Variants in SCNN1B observed in about 807,000 individuals in gnomAD.
SCNN1B encodes sodium channel epithelial 1 subunit beta, also known as epithelial sodium channel subunit beta.
SCNN1B carries 46 observed loss-of-function variants against 65.3 expected under a neutral mutation model. The ratio of observed to expected loss-of-function variants is 0.70; its 90% CI spans 0.56 to 0.90. The LOEUF is 0.90. Ranked by LOEUF, SCNN1B falls within the 40% of genes least tolerant of loss-of-function variation. The pLI is 0.00. For missense variants in SCNN1B, 751 were observed against 830.5 expected (o/e 0.90, Z 1.18); for synonymous variants, 349 against 330.6 (o/e 1.06, Z -0.60).
intron 1 of SCNN1B, among the ~76,000 whole-genome samples, chr16:23,310,304 A>ACCC: frequency 6.6e-6 from 1 of 151,526 alleles, no homozygotes; most frequent in African/African-American, 2.4e-5. Flanking sequence ...AAAAAAAAAA[A>ACCC]AAAAAAAAAC....
chr16:23,310,308 A>G (rs1272532366), intron 1 of SCNN1B, among the ~76,000 whole-genome samples: 1 of 150,990 alleles, frequency 6.6e-6, no homozygotes. Flanking sequence ...AAAAAAAAAA[A>G]AAAAACCCAC....
chr16:23,378,735 G>T lies in SCNN1B; in HGVS notation c.1434G>T (p.Glu478Asp). The change falls in exon 11 of 13, where the codon GAG (glutamate) becomes GAT (aspartate). Residue 478 changes from glutamate to aspartate, a missense_variant. Physicochemically the swap from Glu to Asp is conservative, Grantham distance 45. Coordinates refer to ENST00000343070, the MANE Select transcript of SCNN1B (RefSeq NM_000336.3). ...EDWIFHVLSQ[E>D]RDQSTNITLS... Reference sequence around the variant, plus strand: ...GGATTTTCCACGTCTTGTCTCAGGAGCGGGACCAAAGCACCAATATCACCC... The same window carrying T: ...GGATTTTCCACGTCTTGTCTCAGGATCGGGACCAAAGCACCAATATCACCC... 1 of 1,614,168 alleles carries T rather than the reference G, an allele frequency of 6.2e-7. No homozygotes were observed. The highest frequency in any genetic ancestry group is 8.5e-7 in the Non-Finnish European group (1 of 1,180,032).
At chr16:23,327,103 G>A (rs1169262206) in intron 1 of SCNN1B, among the ~76,000 whole-genome samples, 1 of 152,062 alleles carries the variant, frequency 6.6e-6, no homozygotes, top group Non-Finnish European at 1.5e-5. Flanking sequence ...TTTTTGTAGA[G>A]GTGGGATCTC....
At chr16:23,356,025 G>A (rs1162464252) in intron 4 of SCNN1B, among the ~76,000 whole-genome samples, 1 of 152,196 alleles carries the variant, frequency 6.6e-6, no homozygotes, top group African/African-American at 2.4e-5. Flanking sequence ...ATCTGTGGGA[G>A]GATCTGGAGC....
At chr16:23,299,784 G>A (rs924301393), upstream of SCNN1B, among the ~76,000 whole-genome samples, 2 of 152,174 alleles carry the variant, frequency 1.3e-5, no homozygotes, top group South Asian at 2.1e-4. Flanking sequence ...ACAGTATCGC[G>A]ATTCCTCAAG....
intron 1 of SCNN1B, among the ~76,000 whole-genome samples, chr16:23,307,276 T>C (rs1961239118): frequency 1.3e-5 from 2 of 148,524 alleles, no homozygotes; most frequent in African/African-American, 5.0e-5. Flanking sequence ...TTATTTTGAC[T>C]GGAATGAAGC....
upstream of SCNN1B, among the ~76,000 whole-genome samples, chr16:23,301,467 A>C (rs1961084063): frequency 6.6e-6 from 1 of 152,072 alleles, no homozygotes; most frequent in South Asian, 2.1e-4. Flanking sequence ...GAAAAGAAAA[A>C]TACAAAAGAT....
chr16:23,342,564 T>C (rs1256384322), intron 1 of SCNN1B, among the ~76,000 whole-genome samples: 1 of 152,136 alleles, frequency 6.6e-6, no homozygotes, highest in African/African-American at 2.4e-5. Context: ...CTGTTTCTAT[T>C]AGGGGTGTCC....
chr16:23,290,933 C>T lies in SCNN1B; in HGVS notation n.178+7129C>T, dbSNP rs111528245. ...GGTCATAAATGAAAGCAAGCCCCTC[C>T]TATTCTTTTTAAAGACATAAGCACT... is the stretch of plus-strand genomic sequence containing the variant. On this transcript the variant is annotated intron_variant and non_coding_transcript_variant, in intron 2 of 3. Transcript: ENST00000569789. Among the ~76,000 whole-genome samples the T allele has an allele frequency of 7.8e-3, 1,191 of 152,198 alleles. 15 individuals are homozygous for T. Among genetic ancestry groups the T allele is most frequent in the Middle Eastern group, 0.048 (14 of 294 alleles).
At chr16:23,333,841 T>C (rs943961818) in intron 1 of SCNN1B, among the ~76,000 whole-genome samples, 7 of 152,064 alleles carry the variant, frequency 4.6e-5, no homozygotes, top group African/African-American at 1.7e-4. Flanking sequence ...AATTTAAAAA[T>C]AAAGACTCAG....
At chr16:23,338,691 G>C (rs924115310) in intron 1 of SCNN1B, among the ~76,000 whole-genome samples, 2 of 152,132 alleles carry the variant, frequency 1.3e-5, no homozygotes, top group African/African-American at 4.8e-5. Context: ...GGGGTGAGCT[G>C]GGAACACACT....
At chr16:23,360,507 C>A (rs1596872257) in intron 4 of SCNN1B, among the ~76,000 whole-genome samples, 1 of 151,794 alleles carries the variant, frequency 6.6e-6, no homozygotes, top group Admixed American at 6.6e-5. Context: ...CAAGATCACA[C>A]CACTGCATTC....
intron 1 of SCNN1B, among the ~76,000 whole-genome samples, chr16:23,326,216 AT>A (rs1185517059): frequency 6.6e-6 from 1 of 150,576 alleles, no homozygotes; most frequent in East Asian, 1.9e-4. Flanking sequence ...GCAGCATTCT[AT>A]TATAAGCTTT....
chr16:23,341,161 C>G (rs1302809882), intron 1 of SCNN1B, among the ~76,000 whole-genome samples: 1 of 152,030 alleles, frequency 6.6e-6, no homozygotes, highest in African/African-American at 2.4e-5. Flanking sequence ...TTTAAGCTTT[C>G]TTTTCATTTA....
intron 1 of SCNN1B, chr16:23,304,101 G>A (rs917827393): frequency 6.5e-7 from 1 of 1,535,204 alleles, no homozygotes; most frequent in South Asian, 1.2e-5. Context: ...AAAATTTTCA[G>A]GTTGGTTTTT....
chr16:23,323,405 A>C (rs1277508845), intron 1 of SCNN1B: 1 of 614,662 alleles, frequency 1.6e-6, no homozygotes, highest in East Asian at 2.8e-5. Flanking sequence ...GGGCTCCAGC[A>C]TGTGGTTGCA....
rs111999129 is a variant in SCNN1B, at chr16:23,339,588, T to A, written c.-8-9004T>A. Among the ~76,000 whole-genome samples, 533 of 151,904 alleles carry A rather than the reference T, an allele frequency of 3.5e-3. 4 individuals are homozygous for A. Among genetic ancestry groups the A allele is most frequent in the African/African-American group, 0.012 (490 of 41,432 alleles). ...TATTATTATTATTATTATTTTGAGATGGAGTCTCACTCTGTCACCCAGGCT... is the reference window on the plus strand; with the variant it reads ...TATTATTATTATTATTATTTTGAGAAGGAGTCTCACTCTGTCACCCAGGCT... On this transcript the variant is annotated intron_variant, in intron 1 of 12. Coordinates refer to ENST00000343070, the MANE Select transcript of SCNN1B (RefSeq NM_000336.3).
chr16:23,302,324 G>T lies in SCNN1B; in HGVS notation c.-122G>T, dbSNP rs1456834513. ...CCCAGTCGGTCTCGCCGCGCTCGCC[G>T]GGTGTCCCAGTGTCACCAACACTCG... On this transcript the variant is annotated 5_prime_UTR_variant, in exon 1 of 13. Coordinates refer to ENST00000343070, the MANE Select transcript of SCNN1B (RefSeq NM_000336.3). 1.9e-5 allele frequency: 3 copies of T among 154,490 alleles called. No individual in the cohort carries two copies. The highest frequency in any genetic ancestry group is 1.8e-4 in the South Asian group (1 of 5,412). The allele number at this position is 154,490 out of a possible 1,614,324, so 9.6% of individuals were successfully genotyped here.
rs200089599 is a variant in SCNN1B at position 23,367,969 on chromosome 16, G to A, written c.880+10G>A. 4.8e-5 allele frequency: 76 copies of A among 1,595,374 alleles called. No homozygotes were observed. The African/African-American group carries it at 8.1e-4, about 17-fold the overall frequency. On this transcript the variant is annotated intron_variant, in intron 5 of 12. Transcript: ENST00000343070. ...CCTGGAACTGAATTCGGTGAGTTTT[G>A]GTTTATCGTGGGGCCAGAGCCATGA... is the stretch of plus-strand genomic sequence containing the variant.
Sources: allele counts gnomAD v4.1 joint callset (sites outside exome capture counted in the v4.1 genomes callset), GRCh38; gene constraint gnomAD v4.1.1; transcripts MANE v1.5; gene names NCBI Gene and HGNC (gene_info 2026-07-23, HGNC 2026-07-21).